The following ADAM29 variants were observed in gnomAD, a reference collection of about 807,000 sequenced individuals.
ADAM29 encodes the protein ADAM metallopeptidase domain 29.
For missense variants in ADAM29, 969 were observed against 1,001.8 expected (o/e 0.97, Z 0.44); for synonymous variants, 367 against 342.3 (o/e 1.07, Z -0.80).
chr4:174,922,777 C>T (rs1029516336), intron 2 of ADAM29, among the ~76,000 whole-genome samples: 1 of 151,932 alleles, frequency 6.6e-6, no homozygotes, highest in Non-Finnish European at 1.5e-5. Flanking sequence ...CTATCACATT[C>T]TTGTGATAAT....
At chr4:174,970,004 C>G (rs1463893073) in intron 4 of ADAM29, among the ~76,000 whole-genome samples, 1 of 151,998 alleles carries the variant, frequency 6.6e-6, no homozygotes, top group African/African-American at 2.4e-5. Flanking sequence ...AGGCACCTGT[C>G]TCCACATCCT....
intron 4 of ADAM29, among the ~76,000 whole-genome samples, chr4:174,955,914 G>A (rs1745473004): frequency 6.6e-6 from 1 of 151,970 alleles, no homozygotes; most frequent in African/African-American, 2.4e-5. Flanking sequence ...ATCTGCAATT[G>A]AAATTAGATA....
At chr4:174,956,740 AC>A (rs1333669526) in intron 4 of ADAM29, among the ~76,000 whole-genome samples, 1 of 151,750 alleles carries the variant, frequency 6.6e-6, no homozygotes, top group East Asian at 1.9e-4. Context: ...ACAGATGGAA[AC>A]CCTGCTGCAT....
intron 4 of ADAM29, among the ~76,000 whole-genome samples, chr4:174,972,527 A>G (rs1269899750): frequency 4.6e-5 from 7 of 152,152 alleles, no homozygotes; most frequent in Non-Finnish European, 7.4e-5. Context: ...TCAGAGATCC[A>G]AGAGTGGCAA....
chr4:174,933,495 G>A (rs940546533), intron 3 of ADAM29, among the ~76,000 whole-genome samples: 4 of 152,030 alleles, frequency 2.6e-5, no homozygotes, highest in African/African-American at 4.8e-5. Context: ...AAACTTTTAG[G>A]TTCAGGGGTA....
intron 3 of ADAM29, among the ~76,000 whole-genome samples, chr4:174,931,765 AT>A (rs1456045000): frequency 2.6e-5 from 4 of 152,010 alleles, no homozygotes; most frequent in African/African-American, 9.7e-5. Flanking sequence ...TTTAAAAAAA[AT>A]CTCTCTCGTT....
At chr4:174,973,740 A>G (rs1049257952) in intron 4 of ADAM29, among the ~76,000 whole-genome samples, 1 of 152,152 alleles carries the variant, frequency 6.6e-6, no homozygotes, top group African/African-American at 2.4e-5. Context: ...TTTCAGCTCA[A>G]TCATTGCTGG....
chr4:174,965,457 G>C lies in ADAM29; in HGVS notation c.-180-9889G>C, dbSNP rs185620093. On this transcript the variant is annotated intron_variant, in intron 4 of 4. Transcript: ENST00000359240. ...CAAATTTTAACATGAGTTTTCATGG[G>C]GAGAAACCACATCAAGCTCTATCTA... Among the ~76,000 whole-genome samples, 337 of 151,856 alleles carry C rather than the reference G, an allele frequency of 2.2e-3. 4 individuals carry two copies. The highest frequency in any genetic ancestry group is 7.2e-3 in the African/African-American group (299 of 41,304).
intron 4 of ADAM29, among the ~76,000 whole-genome samples, chr4:174,968,657 G>A (rs942434842): frequency 6.6e-6 from 1 of 151,902 alleles, no homozygotes; most frequent in African/African-American, 2.4e-5. Context: ...CAGTGAATAG[G>A]GAAATAAGTA....
intron 4 of ADAM29, among the ~76,000 whole-genome samples, chr4:174,956,520 GAGAA>G (rs1341827462): frequency 1.3e-5 from 2 of 150,848 alleles, no homozygotes; most frequent in African/African-American, 2.4e-5. Flanking sequence ...GTGAGAGAGA[GAGAA>G]AAAAAAGAGA....
chr4:174,930,564 TA>T lies in ADAM29; in HGVS notation c.-450-419del, dbSNP rs1236437041. Among the ~76,000 whole-genome samples the T allele has an allele frequency of 1.1e-4, 16 of 152,354 alleles. No individual in the cohort carries two copies. In the East Asian group the frequency reaches 2.9e-3, roughly 28 times the overall value. On this transcript the variant is annotated intron_variant, in intron 2 of 4. Transcript: ENST00000359240. The stretch of plus-strand genomic sequence containing the variant: ...ATGTCATATTAAAGTCCTTAAAAAT[TA>T]AATTTACTTAAGAATTAAAAGCCTC...
intron 4 of ADAM29, among the ~76,000 whole-genome samples, chr4:174,974,961 C>T (rs899368093): frequency 1.3e-5 from 2 of 152,058 alleles, no homozygotes. Context: ...ATGCTTATGA[C>T]AATTTAACAC....
At chr4:174,968,019 C>T (rs935323342) in intron 4 of ADAM29, among the ~76,000 whole-genome samples, 3 of 152,152 alleles carry the variant, frequency 2.0e-5, no homozygotes, top group African/African-American at 4.8e-5. Context: ...TCATTATACT[C>T]GCTTTATTAT....
rs369224663 is a variant in ADAM29, at chr4:174,976,721, G to A, written c.1196G>A (p.Arg399His). Residue 399 changes from arginine (R) to histidine (H), a missense_variant, in exon 5 of 5, where the codon CGC becomes CAC. Physicochemically the swap from Arg to His is conservative, Grantham distance 29 (BLOSUM62 0). Coordinates refer to ENST00000359240, the MANE Select transcript of ADAM29 (RefSeq NM_014269.4). ...ACAAAGGACATCTTTAATGTGAAGCGCTGTGGGAATGGTGTTGTTGAAGAA... is the reference window on the plus strand; with the variant it reads ...ACAAAGGACATCTTTAATGTGAAGCACTGTGGGAATGGTGTTGTTGAAGAA... ...VHTKDIFNVK[R>H]CGNGVVEEGE... 102 of 1,613,772 alleles carry A rather than the reference G, an allele frequency of 6.3e-5. 1 individual carries two copies. The highest frequency in any genetic ancestry group is 1.6e-4 in the Middle Eastern group (1 of 6,082).
chr4:174,948,716 A>G (rs1289090721), intron 4 of ADAM29, among the ~76,000 whole-genome samples: 1 of 152,086 alleles, frequency 6.6e-6, no homozygotes, highest in Admixed American at 6.5e-5. Flanking sequence ...TAGAGGGGGT[A>G]GGGTTGTCAG....
At chr4:174,942,158 G>A (rs559836059) in intron 4 of ADAM29, among the ~76,000 whole-genome samples, 7 of 152,260 alleles carry the variant, frequency 4.6e-5, no homozygotes, top group East Asian at 1.9e-4. Flanking sequence ...TCCCCATGAC[G>A]GCTTTCATGA....
chr4:174,943,963 C>T (rs1744694116), intron 4 of ADAM29, among the ~76,000 whole-genome samples: 1 of 151,904 alleles, frequency 6.6e-6, no homozygotes, highest in African/African-American at 2.4e-5. Flanking sequence ...CATCTTTGTA[C>T]AAGAACACGA....
At chr4:174,962,356 A>C (rs560320735) in intron 4 of ADAM29, among the ~76,000 whole-genome samples, 2 of 151,726 alleles carry the variant, frequency 1.3e-5, no homozygotes, top group East Asian at 3.9e-4. Flanking sequence ...CTAAAAATAC[A>C]AAAAAATTAG....
In ADAM29 at chr4:174,977,619, T is replaced by C. The variant is rs1478748959; in HGVS notation, c.2094T>C (p.Cys698=). ...FILLCCLYRL[C]KKSKPIKKQQ... is the part of the protein sequence containing the mutation. ...TATTATGTTGTCTTTATCGACTTTG[T>C]AAAAAAAGTAAACCAATAAAAAAGC... The change falls in exon 5 of 5, where the codon TGT becomes TGC. Residue 698 remains cysteine (C), a synonymous_variant. Coordinates refer to ENST00000359240, the MANE Select transcript of ADAM29 (RefSeq NM_014269.4). The C allele has an allele frequency of 9.3e-6, 15 of 1,613,714 alleles. No individual in the cohort carries two copies. The highest frequency in any genetic ancestry group is 5.9e-6 in the Non-Finnish European group (7 of 1,179,956).
Sources: allele counts gnomAD v4.1 joint callset (sites outside exome capture counted in the v4.1 genomes callset), GRCh38; gene constraint gnomAD v4.1.1; transcripts MANE v1.5; gene names NCBI Gene and HGNC (gene_info 2026-07-23, HGNC 2026-07-21).